IMMP2L: variants seen among roughly 807,000 people sequenced by gnomAD.
IMMP2L encodes inner mitochondrial membrane peptidase subunit 2.
Under a neutral mutation model 19.3 loss-of-function variants are expected in IMMP2L, and 18 were observed. The ratio of observed to expected loss-of-function variants is 0.93; its 90% CI spans 0.64 to 1.38. IMMP2L has a LOEUF of 1.38. IMMP2L is among the 40% of genes most tolerant of loss of function. The pLI is 0.00. For missense variants in IMMP2L, 233 were observed against 218.2 expected (o/e 1.07, Z -0.43); for synonymous variants, 76 against 73.0 (o/e 1.04, Z -0.21).
In IMMP2L at chr7:111,213,412, C is replaced by A. The variant is rs766385702; in HGVS notation, c.240-249847G>T. 6.6e-6 allele frequency among the ~76,000 whole-genome samples: 1 copy of A among 152,182 alleles called. No homozygotes were observed. Among genetic ancestry groups the A allele is most frequent in the Non-Finnish European group, 1.5e-5 (1 of 68,038 alleles). ...GCACAAACAGCCTGGGTGCCATGAA[C>A]TGTGGCAGGAGGCAGACGCGCTCCT... On this transcript the variant is annotated intron_variant, in intron 3 of 5. Transcript: ENST00000405709. The surrounding 1 kb of genome is among the most constrained non-coding windows in gnomAD (Gnocchi z 4.8).
chr7:111,226,332 C>T (rs749776686), intron 3 of IMMP2L, among the ~76,000 whole-genome samples: 2 of 151,670 alleles, frequency 1.3e-5, no homozygotes, highest in Admixed American at 6.6e-5. Flanking sequence ...TTTTATTTTA[C>T]TATTTTATTT....
At chr7:110,731,614 G>C (rs559579431) in intron 5 of IMMP2L, among the ~76,000 whole-genome samples, 19 of 152,170 alleles carry the variant, frequency 1.2e-4, no homozygotes, top group Non-Finnish European at 8.8e-5. Flanking sequence ...CTCTGTTTTT[G>C]TAGCTTTTCT....
chr7:111,155,319 T>A (rs1328453596), intron 3 of IMMP2L, among the ~76,000 whole-genome samples: 1 of 152,056 alleles, frequency 6.6e-6, no homozygotes, highest in African/African-American at 2.4e-5. Flanking sequence ...GATAATAACA[T>A]TCAACTCTGG....
At chr7:111,399,390 C>G (rs1833210348) in intron 3 of IMMP2L, among the ~76,000 whole-genome samples, 1 of 152,016 alleles carries the variant, frequency 6.6e-6, no homozygotes, top group Non-Finnish European at 1.5e-5. Flanking sequence ...GACCCAGTAT[C>G]TCTTTCTGTT....
At chr7:110,853,307 A>C (rs1323192942) in intron 5 of IMMP2L, among the ~76,000 whole-genome samples, 1 of 152,052 alleles carries the variant, frequency 6.6e-6, no homozygotes. Context: ...AAACAAAGAC[A>C]TGTATTAGTT....
chr7:111,158,303 T>G (rs755901549), intron 3 of IMMP2L, among the ~76,000 whole-genome samples: 4 of 152,026 alleles, frequency 2.6e-5, no homozygotes, highest in African/African-American at 9.7e-5. Flanking sequence ...GATACACATA[T>G]AGAGAGAATC....
At chr7:111,471,770 C>T (rs1841297758) in intron 3 of IMMP2L, among the ~76,000 whole-genome samples, 1 of 152,020 alleles carries the variant, frequency 6.6e-6, no homozygotes, top group Non-Finnish European at 1.5e-5. Context: ...AGAATAAATA[C>T]TAAACTGGAA....
At chr7:111,093,324 GT>G (rs1797060618) in intron 3 of IMMP2L, among the ~76,000 whole-genome samples, 1 of 152,124 alleles carries the variant, frequency 6.6e-6, no homozygotes, top group African/African-American at 2.4e-5. Flanking sequence ...AGGAAAAAGT[GT>G]TTTATTTGCT....
chr7:110,832,517 G>A (rs1395480459), intron 5 of IMMP2L, among the ~76,000 whole-genome samples: 1 of 151,988 alleles, frequency 6.6e-6, no homozygotes, highest in African/African-American at 2.4e-5. Context: ...GGGCCTGCTG[G>A]TGGCGTGCTT....
intron 3 of IMMP2L, among the ~76,000 whole-genome samples, chr7:111,229,189 TAG>T (rs1348940959): frequency 2.6e-5 from 4 of 152,000 alleles, no homozygotes; most frequent in African/African-American, 9.7e-5. Flanking sequence ...TATAATCAAA[TAG>T]AAACACAAAT....
At chr7:110,779,716 C>T (rs538857635) in intron 5 of IMMP2L, among the ~76,000 whole-genome samples, 5 of 151,828 alleles carry the variant, frequency 3.3e-5, no homozygotes, top group Admixed American at 3.3e-4. Flanking sequence ...CCTAGGACAC[C>T]GCAGCATATT....
chr7:111,411,115 A>G (rs532524338), intron 3 of IMMP2L, among the ~76,000 whole-genome samples: 1 of 150,938 alleles, frequency 6.6e-6, no homozygotes, highest in East Asian at 1.9e-4. Context: ...AAAGTAACAA[A>G]GAAAAAAATC....
intron 5 of IMMP2L, among the ~76,000 whole-genome samples, chr7:110,674,346 TA>T (rs1792138513): frequency 6.6e-6 from 1 of 152,164 alleles, no homozygotes; most frequent in African/African-American, 2.4e-5. Context: ...ATGGGAACTA[TA>T]ATTCAAGATA....
intron 3 of IMMP2L, among the ~76,000 whole-genome samples, chr7:111,054,590 C>G (rs1185315582): frequency 6.6e-6 from 1 of 152,166 alleles, no homozygotes; most frequent in South Asian, 2.1e-4. Flanking sequence ...CACACTGGAG[C>G]ATGTTAATTA....
chr7:110,969,299 T>C (rs1819888312), intron 3 of IMMP2L, among the ~76,000 whole-genome samples: 1 of 152,060 alleles, frequency 6.6e-6, no homozygotes, highest in Admixed American at 6.6e-5. Context: ...CTCTCAAAAT[T>C]TTTATGTAGG....
At chr7:111,283,754 G>A (rs368235159) in intron 3 of IMMP2L, among the ~76,000 whole-genome samples, 216 of 151,754 alleles carry the variant, frequency 1.4e-3, no homozygotes, top group African/African-American at 4.8e-3. Flanking sequence ...GGCGGATCAC[G>A]AGGTCAGGAG....
chr7:110,694,409 T>C (rs13225059), intron 5 of IMMP2L, among the ~76,000 whole-genome samples: 7,308 of 150,368 alleles, frequency 0.049, 271 homozygotes, highest in Non-Finnish European at 0.075. Flanking sequence ...AAGAACAATA[T>C]ACATGATACA....
intron 4 of IMMP2L, among the ~76,000 whole-genome samples, chr7:110,910,148 G>A (rs1812899415): frequency 1.3e-5 from 2 of 152,108 alleles, no homozygotes; most frequent in South Asian, 4.1e-4. Flanking sequence ...TGCATGCTAG[G>A]CTTGGGATGA....
At chr7:110,823,180 T>A (rs1251999712) in intron 5 of IMMP2L, among the ~76,000 whole-genome samples, 2 of 152,152 alleles carry the variant, frequency 1.3e-5, no homozygotes, top group East Asian at 1.9e-4. Context: ...AATACTGGCA[T>A]GCTTTATCTC....
Sources: allele counts gnomAD v4.1 joint callset (sites outside exome capture counted in the v4.1 genomes callset), GRCh38; gene constraint gnomAD v4.1.1; non-coding constraint Gnocchi (gnomAD v3.1); transcripts MANE v1.5; gene names NCBI Gene and HGNC (gene_info 2026-07-23, HGNC 2026-07-21).